Variants in DENND2D observed in about 807,000 individuals in gnomAD.
DENND2D encodes DENN domain-containing protein 2D.
Under a neutral mutation model 59.8 loss-of-function variants are expected in DENND2D, and 37 were observed. The ratio of observed to expected loss-of-function variants is 0.62; its 90% CI spans 0.48 to 0.81. DENND2D has a LOEUF of 0.81. Among genes scored for constraint, DENND2D ranks in the 40% least tolerant of loss-of-function variants. The pLI, the probability that DENND2D is intolerant of heterozygous loss-of-function variation, is 0.00. For missense variants in DENND2D, 525 were observed against 579.7 expected (o/e 0.91, Z 0.97); for synonymous variants, 219 against 211.3 (o/e 1.04, Z -0.31).
chr1:111,197,710 G>A (rs781372902), intron 4 of DENND2D: 3 of 1,420,104 alleles, frequency 2.1e-6, no homozygotes, highest in Admixed American at 2.9e-5. Context: ...ACAGACCAGA[G>A]CCTGACCAGC....
chr1:111,188,995 T>A (rs1428114770), intron 9 of DENND2D, among the ~76,000 whole-genome samples: 1 of 152,136 alleles, frequency 6.6e-6, no homozygotes, highest in Non-Finnish European at 1.5e-5. Context: ...GGTACTTGAT[T>A]TATATCCCTT....
At chr1:111,189,035 ATAGTG>A (rs1657483200) in intron 9 of DENND2D, among the ~76,000 whole-genome samples, 172 bp downstream of exon 9, 1 of 152,144 alleles carries the variant, frequency 6.6e-6, no homozygotes, top group African/African-American at 2.4e-5. Flanking sequence ...TGATTGTCTT[ATAGTG>A]AAGTCATCTG....
Position 111,189,696 on chromosome 1 carries a change from C to T in DENND2D, c.973-443G>A, listed in dbSNP as rs113529213. ...AGGAAACAGACCCAAAGAAGCTGCC[C>T]GAGGTCATACTATGCTGCTAATAAG... On this transcript the variant is annotated intron_variant, in intron 8 of 11. Transcript: ENST00000357640. Among the ~76,000 whole-genome samples, 1,021 of 152,282 alleles carry T rather than the reference C, an allele frequency of 6.7e-3. 9 individuals are homozygous for T. The highest frequency in any genetic ancestry group is 0.027 in the Middle Eastern group (8 of 294).
intron 10 of DENND2D, 137 bp downstream of exon 10, chr1:111,188,565 C>A (rs1430478113): frequency 7.7e-6 from 9 of 1,172,862 alleles, no homozygotes; most frequent in African/African-American, 4.6e-5. Flanking sequence ...ATCCCAAATT[C>A]AGACTTGCCC....
At chr1:111,194,474 C>A in intron 7 of DENND2D, 104 bp downstream of exon 7, 1 of 1,327,072 alleles carries the variant, frequency 7.5e-7, no homozygotes, top group East Asian at 2.3e-5. Flanking sequence ...GGAGGGTGGG[C>A]GCATGGACCC....
upstream of DENND2D, among the ~76,000 whole-genome samples, chr1:111,201,966 A>G (rs1347866153): frequency 1.3e-5 from 2 of 152,230 alleles, no homozygotes; most frequent in African/African-American, 4.8e-5. Context: ...TGTTTGAGGA[A>G]CAAGCATCTT....
In DENND2D at chr1:111,187,609, T is replaced by A; in HGVS notation, c.1412A>T (p.Lys471Ile). 1 of 1,612,850 alleles carries A rather than the reference T, an allele frequency of 6.2e-7. No homozygotes were observed. Among genetic ancestry groups the A allele is most frequent in the Non-Finnish European group, 8.5e-7 (1 of 1,178,872 alleles). Reference sequence around the variant, plus strand: ...CATTCTTATTCACCACAGCTCTTATTTCACAGTTTTTTCCCTTGGTTTCTT... The same window carrying A: ...CATTCTTATTCACCACAGCTCTTATATCACAGTTTTTTCCCTTGGTTTCTT... The part of the protein sequence containing the change: ...KQKKPREKTV[K>I] The change falls in exon 12 of 12, where the codon AAA becomes ATA. Residue 471 changes from lysine (K) to isoleucine (I), a missense_variant. By Grantham distance (102) the Lys-to-Ile change is moderately radical. Around this residue, in one of 3 missense-constraint regions of DENND2D, gnomAD observed 225 missense variants for 252.4 expected, o/e 0.89. Transcript: ENST00000357640.
intron 1 of DENND2D, 135 bp from the exon 2 acceptor site, chr1:111,199,933 C>G (rs947131431): frequency 8.7e-7 from 1 of 1,151,992 alleles, no homozygotes; most frequent in East Asian, 2.6e-5. Context: ...TGGCCAGAAC[C>G]ACCAGTCACT....
upstream of DENND2D, among the ~76,000 whole-genome samples, chr1:111,203,094 G>A (rs1571208223): frequency 6.6e-6 from 1 of 152,218 alleles, no homozygotes; most frequent in African/African-American, 2.4e-5. Flanking sequence ...CCACTGCACG[G>A]TCCCAGGCCT....
intron 4 of DENND2D, chr1:111,197,567 C>G (rs548738553): frequency 3.7e-6 from 5 of 1,361,096 alleles, no homozygotes; most frequent in Non-Finnish European, 4.7e-6. Context: ...GGGGAATCCT[C>G]CTGAGACCTA....
intron 11 of DENND2D, 143 bp downstream of exon 11, chr1:111,187,988 G>A (rs768691648): frequency 1.6e-5 from 20 of 1,267,644 alleles, no homozygotes; most frequent in Non-Finnish European, 2.0e-5. Flanking sequence ...TAGGTTTCAG[G>A]TTATGTCATT....
chr1:111,199,903 A>T (rs1658632901), intron 1 of DENND2D, 105 bp from the exon 2 acceptor site: 4 of 1,397,572 alleles, frequency 2.9e-6, no homozygotes. Context: ...CGCCTTGCCA[A>T]TGCTGAGATA....
At chr1:111,189,082 G>T in intron 9 of DENND2D, 130 bp downstream of exon 9, 1 of 1,055,724 alleles carries the variant, frequency 9.5e-7, no homozygotes, top group Non-Finnish European at 1.4e-6. Context: ...TGAGAGAGAT[G>T]TGGTCTTTTT....
chr1:111,204,250 C>G, upstream of DENND2D: 2 of 1,451,108 alleles, frequency 1.4e-6, no homozygotes, highest in East Asian at 6.0e-5. Context: ...CCCCGGCTCC[C>G]CGGTGCCCAC....
chr1:111,188,293 A>G lies in DENND2D; in HGVS notation c.1177T>C (p.Tyr393His), dbSNP rs767935867. The G allele has an allele frequency of 3.1e-6, 5 of 1,614,100 alleles. No homozygotes were observed. In the East Asian group the frequency reaches 8.9e-5, roughly 29 times the overall value. The part of the protein sequence containing the change: ...FVKIVGHYAS[Y>H]IKREANGQGH... Reference sequence around the variant, plus strand: ...TGCCCATTTGCCTCCCGCTTGATATAGGAAGCATAATGGCCCACAATCTTG... The same window carrying G: ...TGCCCATTTGCCTCCCGCTTGATATGGGAAGCATAATGGCCCACAATCTTG... Residue 393 changes from tyrosine to histidine, a missense_variant, in exon 11 of 12, where the codon TAT becomes CAT. Tyr to His is a moderately conservative substitution (Grantham distance 83). Coordinates refer to ENST00000357640, the MANE Select transcript of DENND2D (RefSeq NM_024901.5).
At chr1:111,198,896 ACT>A (rs774200256) in intron 2 of DENND2D, among the ~76,000 whole-genome samples, 154 bp from the exon 3 acceptor site, 30 of 152,126 alleles carry the variant, frequency 2.0e-4, no homozygotes, top group Non-Finnish European at 3.7e-4. Flanking sequence ...TTTGCCCATG[ACT>A]CTGCACAGTT....
chr1:111,200,352 G>C, intron 1 of DENND2D, 41 bp downstream of exon 1: 1 of 1,598,288 alleles, frequency 6.3e-7, no homozygotes, highest in South Asian at 1.1e-5. Context: ...CGCCTAAGAG[G>C]GTCACCCTAA....
upstream of DENND2D, chr1:111,204,553 C>T: frequency 2.0e-6 from 1 of 495,640 alleles, no homozygotes; most frequent in Non-Finnish European, 3.3e-6. Context: ...TCGCCCTGGG[C>T]AGGGCAGCGT....
chr1:111,188,621 C>G, intron 10 of DENND2D, 81 bp downstream of exon 10: 2 of 1,363,554 alleles, frequency 1.5e-6, no homozygotes, highest in Non-Finnish European at 2.1e-6. Flanking sequence ...TGAATGAGTT[C>G]ATTTTAGTTC....
Sources: allele counts gnomAD v4.1 joint callset (sites outside exome capture counted in the v4.1 genomes callset), GRCh38; gene constraint gnomAD v4.1.1; regional missense constraint gnomAD v4.1.1; transcripts MANE v1.5; gene names NCBI Gene and HGNC (gene_info 2026-07-23, HGNC 2026-07-21).